The following CHMP2B variants were observed in gnomAD, a reference collection of about 807,000 sequenced individuals.
CHMP2B encodes the protein charged multivesicular body protein 2B, also known as VPS2 homolog B.
Under a neutral mutation model 29.8 loss-of-function variants are expected in CHMP2B, and 22 were observed. The observed-to-expected ratio is 0.74, with a 90% CI of 0.53 to 1.05. CHMP2B has a LOEUF of 1.05. Among genes scored for constraint, CHMP2B ranks in the 50% least tolerant of loss-of-function variants. The pLI is 0.00. For synonymous variants in CHMP2B, 78 were observed against 75.8 expected (o/e 1.03, Z -0.15); for missense variants, 261 against 252.2 (o/e 1.03, Z -0.24).
rs142905528 is a variant in CHMP2B at position 87,230,272 on chromosome 3, T to C, written c.34+2716T>C. On this transcript the variant is annotated intron_variant, in intron 1 of 5. Transcript: ENST00000263780. ...TAACCTCAGTAAAGACAAATTTGACTAAGCCAACACTGTGCTAAGCATTGT... is the reference window on the plus strand; with the variant it reads ...TAACCTCAGTAAAGACAAATTTGACCAAGCCAACACTGTGCTAAGCATTGT... 6.3e-3 allele frequency among the ~76,000 whole-genome samples: 954 copies of C among 152,266 alleles called. 8 individuals carry two copies. The highest frequency in any genetic ancestry group is 0.022 in the African/African-American group (907 of 41,554).
intron 1 of CHMP2B, among the ~76,000 whole-genome samples, chr3:87,231,193 A>G (rs1277476001): frequency 6.6e-6 from 1 of 152,062 alleles, no homozygotes; most frequent in Non-Finnish European, 1.5e-5. Context: ...CAGATATCCA[A>G]CAATTTGCTG....
At chr3:87,243,414 T>C (rs561188436) in intron 2 of CHMP2B, among the ~76,000 whole-genome samples, 1 of 152,266 alleles carries the variant, frequency 6.6e-6, no homozygotes, top group East Asian at 1.9e-4. Context: ...TTTGTTTGTT[T>C]TGAGATGGAG....
At chr3:87,253,288 T>A in intron 4 of CHMP2B, 116 bp from the exon 5 acceptor site, 2 of 699,686 alleles carry the variant, frequency 2.9e-6, no homozygotes, top group East Asian at 5.4e-5. Flanking sequence ...TTTAGTTTGT[T>A]CACTGAGTTT....
chr3:87,231,235 C>T (rs1464379475), intron 1 of CHMP2B, among the ~76,000 whole-genome samples: 3 of 152,132 alleles, frequency 2.0e-5, no homozygotes, highest in African/African-American at 7.2e-5. Context: ...CACAGTACCT[C>T]AAACTCAAGA....
intron 1 of CHMP2B, among the ~76,000 whole-genome samples, chr3:87,236,766 G>A (rs866202623): frequency 1.3e-5 from 2 of 152,022 alleles, no homozygotes; most frequent in African/African-American, 2.4e-5. Context: ...GGAAGCTGAG[G>A]CAGGAGAATC....
chr3:87,238,999 A>G (rs1345350737), intron 1 of CHMP2B, among the ~76,000 whole-genome samples: 1 of 152,146 alleles, frequency 6.6e-6, no homozygotes, highest in African/African-American at 2.4e-5. Context: ...CATGTGAAGT[A>G]GTAGTATTTT....
intron 3 of CHMP2B, 69 bp downstream of exon 3, chr3:87,245,977 G>A (rs1706205365): frequency 2.2e-6 from 3 of 1,366,862 alleles, no homozygotes; most frequent in South Asian, 2.5e-5. Flanking sequence ...AATATTGAAA[G>A]CAGATTTAAA....
intron 1 of CHMP2B, among the ~76,000 whole-genome samples, chr3:87,238,786 C>T (rs1706063442): frequency 6.6e-6 from 1 of 152,054 alleles, no homozygotes; most frequent in Admixed American, 6.6e-5. Context: ...TGTTTGAATA[C>T]TTATTTCACT....
At chr3:87,249,389 T>C (rs1187710083) in intron 3 of CHMP2B, among the ~76,000 whole-genome samples, 1 of 152,118 alleles carries the variant, frequency 6.6e-6, no homozygotes, top group Non-Finnish European at 1.5e-5. Context: ...CACATAGTTT[T>C]TCAAAGCTCA....
At chr3:87,236,408 C>A (rs969394804) in intron 1 of CHMP2B, among the ~76,000 whole-genome samples, 7 of 152,034 alleles carry the variant, frequency 4.6e-5, no homozygotes, top group Non-Finnish European at 1.0e-4. Flanking sequence ...TTTAATATCA[C>A]CCTCGTAATG....
intron 3 of CHMP2B, among the ~76,000 whole-genome samples, chr3:87,248,998 T>C (rs955640011): frequency 2.0e-5 from 3 of 152,182 alleles, no homozygotes; most frequent in Non-Finnish European, 4.4e-5. Context: ...TAGGGATACA[T>C]TCTGAAAAAT....
At chr3:87,229,667 C>T (rs1180034054) in intron 1 of CHMP2B, among the ~76,000 whole-genome samples, 1 of 151,908 alleles carries the variant, frequency 6.6e-6, no homozygotes, top group Non-Finnish European at 1.5e-5. Flanking sequence ...TCTCTCAGAT[C>T]GTTGGATTGA....
chr3:87,249,392 A>G (rs2106912285), intron 3 of CHMP2B, among the ~76,000 whole-genome samples: 1 of 152,222 alleles, frequency 6.6e-6, no homozygotes, highest in South Asian at 2.1e-4. Context: ...ATAGTTTTTC[A>G]AAGCTCACAT....
chr3:87,236,515 T>C (rs1331094862), intron 1 of CHMP2B, among the ~76,000 whole-genome samples: 1 of 152,098 alleles, frequency 6.6e-6, no homozygotes, highest in Non-Finnish European at 1.5e-5. Flanking sequence ...CTTCTGAGTA[T>C]AGTGGCTTGT....
chr3:87,246,150 T>G (rs1706209139), intron 3 of CHMP2B, among the ~76,000 whole-genome samples: 1 of 152,010 alleles, frequency 6.6e-6, no homozygotes, highest in Non-Finnish European at 1.5e-5. Context: ...CTTTTCTTTT[T>G]TTTTTGAGAT....
chr3:87,232,587 A>G (rs1434510539), intron 1 of CHMP2B, among the ~76,000 whole-genome samples: 3 of 152,200 alleles, frequency 2.0e-5, no homozygotes, highest in Admixed American at 6.5e-5. Context: ...CATTCTCCCT[A>G]CTTTTAGAAT....
intron 1 of CHMP2B, among the ~76,000 whole-genome samples, chr3:87,239,604 G>A (rs1189183594): frequency 1.3e-5 from 2 of 152,124 alleles, no homozygotes; most frequent in African/African-American, 4.8e-5. Flanking sequence ...AGACAGAATG[G>A]TTGGATCCAA....
chr3:87,243,247 A>G (rs951710172), intron 2 of CHMP2B, among the ~76,000 whole-genome samples: 2 of 152,080 alleles, frequency 1.3e-5, no homozygotes, highest in African/African-American at 4.8e-5. Flanking sequence ...AAATTGAATC[A>G]ACCTTTTGTT....
intron 1 of CHMP2B, among the ~76,000 whole-genome samples, chr3:87,237,499 C>T (rs538004791): frequency 5.9e-5 from 9 of 152,288 alleles, no homozygotes; most frequent in African/African-American, 1.9e-4. Flanking sequence ...TGAGAAAATA[C>T]GTTTTCATTG....
Sources: gnomAD v4.1 joint callset for allele counts (sites outside exome capture counted in the v4.1 genomes callset) on GRCh38, gnomAD v4.1.1 for gene constraint, MANE v1.5 for transcripts, NCBI Gene and HGNC (gene_info 2026-07-23, HGNC 2026-07-21) for gene names.